The following CMIP variants were observed in gnomAD, a reference collection of about 807,000 sequenced individuals.
The protein encoded by CMIP is c-Maf inducing protein, also known as C-Maf-inducing protein.
CMIP carries 13 observed loss-of-function variants against 97.3 expected under a neutral mutation model. The ratio of observed to expected loss-of-function variants is 0.13; its 90% confidence interval spans 0.09 to 0.21. The LOEUF is 0.21. Among genes scored for constraint, CMIP ranks in the 10% least tolerant of loss-of-function variants. The pLI, the probability that CMIP is intolerant of heterozygous loss-of-function variation, is 1.00. For synonymous variants in CMIP, 538 were observed against 436.3 expected, an observed-to-expected ratio of 1.23 and a Z score of -2.91; for missense variants, 847 against 1,024.9, an observed-to-expected ratio of 0.83 and a Z score of 2.37.
intron 1 of CMIP, among the ~76,000 whole-genome samples, chr16:81,483,817 G>C (rs998555163): frequency 6.6e-6 from 1 of 152,114 alleles, no homozygotes; most frequent in African/African-American, 2.4e-5. Context: ...CTAGAATTTC[G>C]CAACCCGTCC....
chr16:81,513,776 C>T (rs2089858292), intron 1 of CMIP, among the ~76,000 whole-genome samples: 1 of 152,246 alleles, frequency 6.6e-6, no homozygotes, highest in South Asian at 2.1e-4. Flanking sequence ...AGACTTAGTG[C>T]CATTACTTCC....
At chr16:81,566,634 A>G (rs1201646464) in intron 1 of CMIP, among the ~76,000 whole-genome samples, 1 of 152,222 alleles carries the variant, frequency 6.6e-6, no homozygotes. Context: ...CTAGGACCCA[A>G]TGATTCTACT....
intron 7 of CMIP, among the ~76,000 whole-genome samples, chr16:81,668,085 G>T (rs55737078): frequency 0.15 from 23,531 of 151,996 alleles, 2,064 homozygotes; most frequent in Non-Finnish European, 0.19. Context: ...CAGCTTCGGG[G>T]TCAGTTAGAC....
intron 7 of CMIP, among the ~76,000 whole-genome samples, chr16:81,667,672 C>T (rs1055003639): frequency 1.3e-5 from 2 of 151,330 alleles, no homozygotes; most frequent in African/African-American, 4.8e-5. Flanking sequence ...GTCAGTGAGG[C>T]CCAGAGACAG....
chr16:81,488,669 G>A (rs1367336467), intron 1 of CMIP, among the ~76,000 whole-genome samples: 4 of 152,080 alleles, frequency 2.6e-5, no homozygotes, highest in South Asian at 2.1e-4. Context: ...CAGCTTCCTT[G>A]CTTTACCGCA....
At chr16:81,610,620 G>A in intron 2 of CMIP, 2 of 818,450 alleles carry the variant, frequency 2.4e-6, no homozygotes, top group Non-Finnish European at 3.0e-6. Flanking sequence ...ACCTGGATCG[G>A]CTTCTCCCTT....
chr16:81,696,449 T>C, intron 13 of CMIP, 111 bp from the exon 14 acceptor site: 1 of 1,056,758 alleles, frequency 9.5e-7, no homozygotes, highest in East Asian at 2.6e-5. Flanking sequence ...TAAGCGGGTT[T>C]CTTGACTGCA....
At chr16:81,683,416 G>C (rs1255661248) in intron 10 of CMIP, among the ~76,000 whole-genome samples, 1 of 152,172 alleles carries the variant, frequency 6.6e-6, no homozygotes, top group African/African-American at 2.4e-5. Context: ...CTAATGACTG[G>C]GAGGCAGGGC....
chr16:81,560,208 T>G (rs985154701), intron 1 of CMIP, among the ~76,000 whole-genome samples: 1 of 113,800 alleles, frequency 8.8e-6, no homozygotes, highest in Non-Finnish European at 2.1e-5. Context: ...TTTTGTTTTG[T>G]TTTTGTTTTG....
intron 3 of CMIP, among the ~76,000 whole-genome samples, chr16:81,638,094 A>G (rs1383750739): frequency 6.6e-6 from 1 of 152,166 alleles, no homozygotes; most frequent in Non-Finnish European, 1.5e-5. Flanking sequence ...AGAGCTTAGC[A>G]CTTGGCTTGT....
At chr16:81,477,137 C>T (rs10493891) in intron 1 of CMIP, among the ~76,000 whole-genome samples, 36,505 of 151,886 alleles carry the variant, frequency 0.24, 5,096 homozygotes, top group Admixed American at 0.39. Flanking sequence ...AGATACACAT[C>T]GGGCTTGGAA....
chr16:81,456,243 C>T (rs1335504670), intron 1 of CMIP, among the ~76,000 whole-genome samples: 1 of 152,182 alleles, frequency 6.6e-6, no homozygotes, highest in Admixed American at 6.5e-5. Context: ...GAGGGGACCG[C>T]GGGGTAATCA....
chr16:81,572,408 G>A (rs1175170924), intron 1 of CMIP, among the ~76,000 whole-genome samples: 1 of 152,186 alleles, frequency 6.6e-6, no homozygotes, highest in Non-Finnish European at 1.5e-5. Context: ...GTGCGAGGTT[G>A]GATTACATGA....
intron 1 of CMIP, among the ~76,000 whole-genome samples, chr16:81,461,430 C>G (rs1567527377): frequency 6.6e-6 from 1 of 152,172 alleles, no homozygotes; most frequent in African/African-American, 2.4e-5. Flanking sequence ...TCCTCATTGC[C>G]TTGACCGTGG....
intron 1 of CMIP, among the ~76,000 whole-genome samples, chr16:81,540,641 T>TGA (rs1370558180): frequency 1.4e-5 from 1 of 73,096 alleles, no homozygotes; most frequent in African/African-American, 6.0e-5. Flanking sequence ...TGTCTTGTTT[T>TGA]GAGTGTGTGT....
Position 81,699,813 on chromosome 16 carries a change from G to T in CMIP, c.1755+12G>T, listed in dbSNP as rs918703779. On this transcript the variant is annotated intron_variant, in intron 15 of 20. Coordinates refer to ENST00000537098, the MANE Select transcript of CMIP (RefSeq NM_198390.3). ...AGACCATGGTGGAGGTAAGGAGCTG[G>T]TCGGGGTCCCTGGTGGGGTGGCTGG... 6.3e-7 allele frequency: 1 copy of T among 1,583,904 alleles called. No homozygotes were observed. The highest frequency in any genetic ancestry group is 1.3e-5 in the African/African-American group (1 of 74,324).
At chr16:81,467,921 G>C (rs1443867868) in intron 1 of CMIP, among the ~76,000 whole-genome samples, 1 of 128,066 alleles carries the variant, frequency 7.8e-6, no homozygotes, top group Admixed American at 8.6e-5. Flanking sequence ...GAGTATTGCT[G>C]TATTTCCCAG....
In CMIP at chr16:81,632,814, C is replaced by T. The variant is rs1383928135; in HGVS notation, c.477+11888C>T. Among the ~76,000 whole-genome samples, 3 of 152,318 alleles carry T rather than the reference C, an allele frequency of 2.0e-5. No homozygotes were observed. In the East Asian group the frequency reaches 5.8e-4, roughly 29 times the overall value. On this transcript the variant is annotated intron_variant, in intron 3 of 20. Transcript: ENST00000537098. ...TCCCTTGCACTCCCCTGTCCCTGGC[C>T]AGGGCTTCCTCAACTCTACATAAGG...
intron 1 of CMIP, among the ~76,000 whole-genome samples, chr16:81,546,940 T>G (rs998935349): frequency 6.6e-6 from 1 of 152,118 alleles, no homozygotes; most frequent in African/African-American, 2.4e-5. Context: ...ATGTAGAACA[T>G]TCCCTGCATC....
Sources: gnomAD v4.1 joint callset for allele counts (sites outside exome capture counted in the v4.1 genomes callset) on GRCh38, gnomAD v4.1.1 for gene constraint, MANE v1.5 for transcripts, NCBI Gene and HGNC (gene_info 2026-07-23, HGNC 2026-07-21) for gene names.